REL: variants seen among roughly 807,000 people sequenced by gnomAD.
The protein encoded by REL is proto-oncogene c-Rel.
Under a neutral mutation model 45.9 loss-of-function variants are expected in REL, and 15 were observed. That is an observed-to-expected ratio of 0.33 (90% CI 0.22 to 0.50). The LOEUF (loss-of-function observed/expected upper bound fraction) is 0.50. Among genes scored for constraint, REL ranks in the 20% least tolerant of loss-of-function variants. REL has a pLI of 0.98. For synonymous variants in REL, 239 were observed against 242.1 expected, an observed-to-expected ratio of 0.99 and a Z score of 0.12; for missense variants, 601 against 715.2, an observed-to-expected ratio of 0.84 and a Z score of 1.82.
chr2:60,914,730 C>A (rs1673913843), intron 4 of REL, among the ~76,000 whole-genome samples: 1 of 151,920 alleles, frequency 6.6e-6, no homozygotes, highest in Non-Finnish European at 1.5e-5. Context: ...TCTAAAACTG[C>A]ATGTAAATGG....
chr2:60,891,595 T>C (rs1673215812), intron 1 of REL, 88 bp from the exon 2 acceptor site: 1 of 1,159,170 alleles, frequency 8.6e-7, no homozygotes, highest in African/African-American at 1.6e-5. Context: ...TGTTTTAGTC[T>C]GCTGTTATAA....
At chr2:60,909,677 C>T (rs187887747) in intron 4 of REL, among the ~76,000 whole-genome samples, 3 of 152,228 alleles carry the variant, frequency 2.0e-5, no homozygotes, top group Admixed American at 6.5e-5. Flanking sequence ...CCGAGATGGG[C>T]GGATCACGAG....
At chr2:60,887,081 G>A (rs370512063) in intron 1 of REL, among the ~76,000 whole-genome samples, 1 of 151,916 alleles carries the variant, frequency 6.6e-6, no homozygotes, top group Non-Finnish European at 1.5e-5. Flanking sequence ...CCTGATTTAT[G>A]TTTTACCCTC....
intron 1 of REL, 40 bp downstream of exon 1, chr2:60,881,890 G>A (rs1183452504): frequency 3.5e-6 from 5 of 1,410,430 alleles, no homozygotes; most frequent in Non-Finnish European, 4.7e-6. Flanking sequence ...CGGGGGAAAG[G>A]AGCTCTTCTG....
At chr2:60,912,101 A>G (rs959731507) in intron 4 of REL, among the ~76,000 whole-genome samples, 1 of 152,106 alleles carries the variant, frequency 6.6e-6, no homozygotes, top group Non-Finnish European at 1.5e-5. Flanking sequence ...AGAATATAGA[A>G]AAAGAACAAT....
rs1674114527 is a variant in REL, at chr2:60,920,560, C to T, written c.923-14C>T. The T allele has an allele frequency of 2.5e-6, 4 of 1,574,004 alleles. No homozygotes were observed. Among genetic ancestry groups the T allele is most frequent in the Non-Finnish European group, 1.7e-6 (2 of 1,146,414 alleles). ...CAAATGACATTTAATAATGGAAAAA[C>T]TTTATCCTAACAGTTAATTTTCCTG... On this transcript the variant is annotated splice_polypyrimidine_tract_variant and intron_variant, in intron 8 of 9. Transcript: ENST00000394479.
At chr2:60,904,770 G>T (rs2103954294) in intron 4 of REL, among the ~76,000 whole-genome samples, 1 of 151,952 alleles carries the variant, frequency 6.6e-6, no homozygotes, top group South Asian at 2.1e-4. Context: ...CACAACTGTG[G>T]TCTTAGCTAC....
At chr2:60,892,854 A>G (rs551565409) in intron 2 of REL, among the ~76,000 whole-genome samples, 8 of 152,030 alleles carry the variant, frequency 5.3e-5, no homozygotes, top group African/African-American at 1.4e-4. Flanking sequence ...TCCCAGGTTC[A>G]AGCAGTTCTC....
chr2:60,887,881 C>T (rs1256819552), intron 1 of REL, among the ~76,000 whole-genome samples: 1 of 151,086 alleles, frequency 6.6e-6, no homozygotes, highest in Non-Finnish European at 1.5e-5. Context: ...AAAGAAGTGT[C>T]ATGTAACCAA....
intron 1 of REL, among the ~76,000 whole-genome samples, chr2:60,887,060 C>T (rs549186189): frequency 1.3e-5 from 2 of 152,056 alleles, no homozygotes; most frequent in African/African-American, 4.8e-5. Flanking sequence ...TACTTATTTT[C>T]CCTACAATTT....
At chr2:60,904,033 C>T (rs74420139) in intron 4 of REL, among the ~76,000 whole-genome samples, 2,152 of 152,220 alleles carry the variant, frequency 0.014, 50 homozygotes, top group African/African-American at 0.048. Flanking sequence ...ATAGTAAGTG[C>T]TTTATATATT....
intron 5 of REL, among the ~76,000 whole-genome samples, chr2:60,917,857 A>C (rs895029861): frequency 2.0e-5 from 3 of 152,088 alleles, no homozygotes; most frequent in Non-Finnish European, 4.4e-5. Context: ...ATGTATTGCC[A>C]TAGGGAAAAT....
At chr2:60,897,767 C>G (rs1673387965) in intron 3 of REL, among the ~76,000 whole-genome samples, 1 of 151,778 alleles carries the variant, frequency 6.6e-6, no homozygotes, top group African/African-American at 2.4e-5. Flanking sequence ...TGGCCCATGC[C>G]TGTAGTTACA....
chr2:60,918,341 G>GAT, intron 6 of REL, 46 bp downstream of exon 6: 1 of 1,550,706 alleles, frequency 6.4e-7, no homozygotes, highest in South Asian at 1.2e-5. Context: ...TAGATTAATA[G>GAT]ATGCAGTTAC....
At chr2:60,914,102 A>G (rs1376364904) in intron 4 of REL, among the ~76,000 whole-genome samples, 1 of 152,258 alleles carries the variant, frequency 6.6e-6, no homozygotes, top group African/African-American at 2.4e-5. Context: ...ATAAATGATT[A>G]TCATGTAAGA....
rs184362037 is a variant in REL at position 60,927,657 on chromosome 2, G to T, written c.*5122G>T. 8.7e-6 allele frequency: 2 copies of T among 230,014 alleles called. No homozygotes were observed. Among genetic ancestry groups the T allele is most frequent in the East Asian group, 1.2e-4 (2 of 16,212 alleles). The allele number at this position is 230,014 out of a possible 1,614,324, so 14.2% of individuals were successfully genotyped here. A position where few individuals can be genotyped will look rare whatever the true frequency, so the allele number is the denominator to read the frequency against. On this transcript the variant is annotated 3_prime_UTR_variant, in exon 10 of 10. Transcript: ENST00000394479. ...GTCCAATGTGCAAAGCACGATGTTGGAAATTATACAGAGGTGAATAAGACA... is the reference window on the plus strand; with the variant it reads ...GTCCAATGTGCAAAGCACGATGTTGTAAATTATACAGAGGTGAATAAGACA...
intron 1 of REL, among the ~76,000 whole-genome samples, chr2:60,886,119 ATTATTC>A (rs1673065243): frequency 6.6e-6 from 1 of 152,204 alleles, no homozygotes; most frequent in African/African-American, 2.4e-5. Context: ...TTTTAAGACA[ATTATTC>A]TTAATCAGGA....
At chr2:60,919,261 G>A (rs978819076) in intron 7 of REL, among the ~76,000 whole-genome samples, 1 of 151,852 alleles carries the variant, frequency 6.6e-6, no homozygotes, top group African/African-American at 2.4e-5. Flanking sequence ...TTGAGACAGG[G>A]TCTCACTCTG....
In REL at chr2:60,913,536, C is replaced by G. The variant is rs573534962; in HGVS notation, c.395-3341C>G. ...CCTTACTCCTAGGGTATAGCTCTTT[C>G]AGACCTCAAATCCCCCAAAGCCTTG... On this transcript the variant is annotated intron_variant, in intron 4 of 9. Transcript: ENST00000394479. Among the ~76,000 whole-genome samples, 390 of 152,298 alleles carry G rather than the reference C, an allele frequency of 2.6e-3. 1 individual carries two copies. The highest frequency in any genetic ancestry group is 8.8e-3 in the African/African-American group (364 of 41,572).
Sources: gnomAD v4.1 joint callset for allele counts (sites outside exome capture counted in the v4.1 genomes callset) on GRCh38, gnomAD v4.1.1 for gene constraint, MANE v1.5 for transcripts, NCBI Gene and HGNC (gene_info 2026-07-23, HGNC 2026-07-21) for gene names.